TMEM74B: variants seen among roughly 807,000 people sequenced by gnomAD.
TMEM74B encodes transmembrane protein C20orf46.
Under a neutral mutation model 6.5 loss-of-function variants are expected in TMEM74B, and 7 were observed. That is an observed-to-expected ratio of 1.07 (90% CI 0.61 to 2.01). TMEM74B has a LOEUF of 2.01. TMEM74B is among the 30% of genes most tolerant of loss of function. The pLI, the probability that TMEM74B is intolerant of heterozygous loss-of-function variation, is 0.00. For synonymous variants in TMEM74B, 151 were observed against 151.6 expected, an observed-to-expected ratio of 1.00 and a Z score of 0.03; for missense variants, 342 against 337.0, an observed-to-expected ratio of 1.01 and a Z score of -0.12.
chr20:1,181,202 T>G lies in TMEM74B; in HGVS notation c.417A>C (p.Thr139=). ...FLVSGILLVV[T]AYAIPREARV... ...GAGCCTCACGGGGGATGGCGTATGC[T>G]GTCACCACCAGAAGAATCCCACTCA... Residue 139 remains threonine, a synonymous_variant, in exon 3 of 3, where the codon ACA becomes ACC. Transcript: ENST00000429036. The surrounding 1 kb of genome is among the most constrained non-coding windows in gnomAD (Gnocchi z 4.9). The G allele has an allele frequency of 6.2e-7, 1 of 1,614,122 alleles. No individual in the cohort carries two copies. Among genetic ancestry groups the G allele is most frequent in the Non-Finnish European group, 8.5e-7 (1 of 1,180,006 alleles).
At chr20:1,183,025 C>G (rs1461741165) in intron 2 of TMEM74B, among the ~76,000 whole-genome samples, 2 of 152,196 alleles carry the variant, frequency 1.3e-5, no homozygotes, top group Non-Finnish European at 2.9e-5. Flanking sequence ...AGCCTCTCCC[C>G]GACAGGTCCC....
At chr20:1,182,001 T>C (rs2086883968) in intron 2 of TMEM74B, among the ~76,000 whole-genome samples, 1 of 152,232 alleles carries the variant, frequency 6.6e-6, no homozygotes, top group African/African-American at 2.4e-5. Flanking sequence ...AAATCCCAGC[T>C]TCACCACTTG....
intron 2 of TMEM74B, among the ~76,000 whole-genome samples, chr20:1,183,316 TTGTG>T (rs755754000): frequency 2.2e-4 from 21 of 95,630 alleles, no homozygotes; most frequent in South Asian, 2.0e-3. Flanking sequence ...GTGTGTGTGT[TTGTG>T]TGTGTGTGTG....
upstream of TMEM74B, among the ~76,000 whole-genome samples, chr20:1,187,433 T>C (rs1484256955): frequency 6.6e-6 from 1 of 152,124 alleles, no homozygotes; most frequent in Non-Finnish European, 1.5e-5. Context: ...AAATATTATA[T>C]ACTAGTTAGC....
At chr20:1,186,926 C>A (rs147366845), upstream of TMEM74B, among the ~76,000 whole-genome samples, 1 of 152,318 alleles carries the variant, frequency 6.6e-6, no homozygotes, top group Non-Finnish European at 1.5e-5. Context: ...TAAAGGACTG[C>A]CCTCCTGGAG....
At chr20:1,187,220 C>T (rs999726819), upstream of TMEM74B, among the ~76,000 whole-genome samples, 1 of 152,202 alleles carries the variant, frequency 6.6e-6, no homozygotes, top group Non-Finnish European at 1.5e-5. Context: ...TTTACTCCCT[C>T]ACTCTGAATT....
chr20:1,181,375 C>G lies in TMEM74B; in HGVS notation c.244G>C (p.Gly82Arg). The change falls in exon 3 of 3, where the codon GGC becomes CGC. Residue 82 changes from glycine to arginine, a missense_variant. Coordinates refer to ENST00000429036, the MANE Select transcript of TMEM74B (RefSeq NM_001304748.2). This position sits in a 1 kb window ranked among gnomAD's most constrained non-coding sequence, Gnocchi z 4.9. ...HFQNPGNTRLGSSPSPPGGVS... is the reference protein window; with the variant it reads ...HFQNPGNTRLRSSPSPPGGVS... Reference sequence around the variant, plus strand: ...CCCCCAGGGGGACTGGGTGAGCTGCCCAGTCTCGTGTTCCCAGGGTTCTGG... The same window carrying G: ...CCCCCAGGGGGACTGGGTGAGCTGCGCAGTCTCGTGTTCCCAGGGTTCTGG... The G allele has an allele frequency of 6.5e-7, 1 of 1,546,002 alleles. No homozygotes were observed. Among genetic ancestry groups the G allele is most frequent in the Non-Finnish European group, 8.7e-7 (1 of 1,144,254 alleles).
At chr20:1,183,646 A>G (rs939215037) in intron 2 of TMEM74B, 125 bp downstream of exon 2, 4 of 1,175,754 alleles carry the variant, frequency 3.4e-6, no homozygotes, top group Non-Finnish European at 4.9e-6. Flanking sequence ...CACCCTCACC[A>G]GCCCCACGAT....
chr20:1,180,755 AC>A lies in TMEM74B; in HGVS notation c.*92del. 1 of 1,493,326 alleles carries A rather than the reference AC, an allele frequency of 6.7e-7. No homozygotes were observed. Among genetic ancestry groups the A allele is most frequent in the Non-Finnish European group, 8.9e-7 (1 of 1,120,520 alleles). The allele number at this position is 1,493,326 out of a possible 1,614,324, so 92.5% of individuals were successfully genotyped here. A position where few individuals can be genotyped will look rare whatever the true frequency, so the allele number is the denominator to read the frequency against. On this transcript the variant is annotated 3_prime_UTR_variant, in exon 3 of 3. Coordinates refer to ENST00000429036, the MANE Select transcript of TMEM74B (RefSeq NM_001304748.2). The surrounding 1 kb of genome is among the most constrained non-coding windows in gnomAD (Gnocchi z 6.1). ...AGGCCCTATGTGAGCTCAGTTTAAA[AC>A]CCCAGGGCCTTGGCAGGGGTCAGGT...
intron 2 of TMEM74B, among the ~76,000 whole-genome samples, chr20:1,183,343 A>G (rs1468854148): frequency 1.4e-5 from 2 of 147,436 alleles, no homozygotes; most frequent in African/African-American, 5.1e-5. Context: ...TGTAAATATG[A>G]GCAAATGAAG....
In TMEM74B at chr20:1,180,669, C is replaced by A; in HGVS notation, c.*179G>T. The A allele has an allele frequency of 1.3e-6, 1 of 748,606 alleles. No homozygotes were observed. The highest frequency in any genetic ancestry group is 1.9e-6 in the Non-Finnish European group (1 of 517,280). 46.4% of individuals were successfully genotyped at this position (748,606 alleles called of 1,614,324 possible). A position where few individuals can be genotyped will look rare whatever the true frequency, so the allele number is the denominator to read the frequency against. On this transcript the variant is annotated 3_prime_UTR_variant, in exon 3 of 3. Coordinates refer to ENST00000429036, the MANE Select transcript of TMEM74B (RefSeq NM_001304748.2). This position sits in a 1 kb window ranked among gnomAD's most constrained non-coding sequence, Gnocchi z 6.1. The stretch of plus-strand genomic sequence containing the variant: ...ACAAAACAGATCAGTGGGCTGCTTG[C>A]CCGTGTGGGGCATGGGCTGGGCCCC...
In TMEM74B at chr20:1,181,482, G is replaced by C. The variant is rs752629563; in HGVS notation, c.137C>G (p.Ser46Ter). 1.3e-6 allele frequency: 2 copies of C among 1,512,418 alleles called. No homozygotes were observed. Among genetic ancestry groups the C allele is most frequent in the African/African-American group, 2.8e-5 (2 of 71,468 alleles). The allele number at this position is 1,512,418 out of a possible 1,614,324, so 93.7% of individuals were successfully genotyped here. A position where few individuals can be genotyped will look rare whatever the true frequency, so the allele number is the denominator to read the frequency against. The change falls in exon 3 of 3, where the codon TCA becomes TGA. Residue 46 changes from serine (S) to a stop codon, truncating the protein, a stop_gained. Transcript: ENST00000429036. LOFTEE classifies it high-confidence loss of function. This position sits in a 1 kb window ranked among gnomAD's most constrained non-coding sequence, Gnocchi z 4.9. The stretch of plus-strand genomic sequence containing the variant: ...TGGGGCCACTGGGCCCAGGGGAGCT[G>C]ATCTCCTTGGGGCTTGGGGACCATT... ...LSNGPQAPRR[S>*]APLGPVAPTR...
chr20:1,183,689 G>A, intron 2 of TMEM74B, 82 bp downstream of exon 2: 2 of 1,534,304 alleles, frequency 1.3e-6, no homozygotes, highest in Non-Finnish European at 1.8e-6. Flanking sequence ...ATAAAACATG[G>A]CCAAGATCCC....
chr20:1,180,900 T>A lies in TMEM74B; in HGVS notation c.719A>T (p.Glu240Val). 6.2e-7 allele frequency: 1 copy of A among 1,611,428 alleles called. No individual in the cohort carries two copies. Among genetic ancestry groups the A allele is most frequent in the Non-Finnish European group, 8.5e-7 (1 of 1,178,286 alleles). ...LNGDGGQALVENEVVQVSETS... is the reference protein window; with the variant it reads ...LNGDGGQALVVNEVVQVSETS... Reference sequence around the variant, plus strand: ...CTCTGAGACCTGGACAACTTCATTCTCCACCAGGGCCTGGCCCCCATCCCC... The same window carrying A: ...CTCTGAGACCTGGACAACTTCATTCACCACCAGGGCCTGGCCCCCATCCCC... The change falls in exon 3 of 3, where the codon GAG (glutamate) becomes GTG (valine). Residue 240 changes from glutamate to valine, a missense_variant. Coordinates refer to ENST00000429036, the MANE Select transcript of TMEM74B (RefSeq NM_001304748.2). This position sits in a 1 kb window ranked among gnomAD's most constrained non-coding sequence, Gnocchi z 6.1.
chr20:1,186,619 GTGCCA>G (rs1568499626), upstream of TMEM74B: 1 of 152,064 alleles, frequency 6.6e-6, no homozygotes, highest in African/African-American at 2.4e-5. Context: ...GCGAATGAGT[GTGCCA>G]TGTCCTGCTC....
intron 2 of TMEM74B, 130 bp downstream of exon 2, chr20:1,183,641 T>C: frequency 1.8e-6 from 2 of 1,120,522 alleles, no homozygotes; most frequent in Non-Finnish European, 2.6e-6. Flanking sequence ...CATATCACCC[T>C]CACCAGCCCC....
Position 1,181,492 on chromosome 20 carries a change from G to A in TMEM74B, c.127C>T (p.Pro43Ser), listed in dbSNP as rs199514634. 2.1e-5 allele frequency: 32 copies of A among 1,509,592 alleles called. No individual in the cohort carries two copies. The African/African-American group carries it at 4.3e-4, about 20-fold the overall frequency. 93.5% of individuals were successfully genotyped at this position (1,509,592 alleles called of 1,614,324 possible). A position where few individuals can be genotyped will look rare whatever the true frequency, so the allele number is the denominator to read the frequency against. Residue 43 changes from proline to serine, a missense_variant, in exon 3 of 3, where the codon CCA becomes TCA. By Grantham distance (74) the Pro-to-Ser change is moderately conservative (BLOSUM62 -1). Coordinates refer to ENST00000429036, the MANE Select transcript of TMEM74B (RefSeq NM_001304748.2). The surrounding 1 kb of genome is among the most constrained non-coding windows in gnomAD (Gnocchi z 4.9). Reference protein sequence around the residue: ...LKTLSNGPQAPRRSAPLGPVA... With the variant: ...LKTLSNGPQASRRSAPLGPVA... ...GGGCCCAGGGGAGCTGATCTCCTTGGGGCTTGGGGACCATTGCTCAGTGTC... is the reference window on the plus strand; with the variant it reads ...GGGCCCAGGGGAGCTGATCTCCTTGAGGCTTGGGGACCATTGCTCAGTGTC...
chr20:1,181,920 C>G lies in TMEM74B; in HGVS notation c.32-333G>C, dbSNP rs1257935830. On this transcript the variant is annotated intron_variant, in intron 2 of 2. Coordinates refer to ENST00000429036, the MANE Select transcript of TMEM74B (RefSeq NM_001304748.2). The surrounding 1 kb of genome is among the most constrained non-coding windows in gnomAD (Gnocchi z 4.9). ...TAACCTATACGAAGTACTCAGAACA[C>G]TAAGTGCTCAAAGTTAGCGATGAGT... 6.6e-6 allele frequency among the ~76,000 whole-genome samples: 1 copy of G among 152,184 alleles called. No homozygotes were observed. Among genetic ancestry groups the G allele is most frequent in the African/African-American group, 2.4e-5 (1 of 41,430 alleles).
rs762070592 is a variant in TMEM74B at position 1,181,465 on chromosome 20, C to G, written c.154G>C (p.Val52Leu). Residue 52 changes from valine (V) to leucine (L), a missense_variant, in exon 3 of 3, where the codon GTG becomes CTG. Coordinates refer to ENST00000429036, the MANE Select transcript of TMEM74B (RefSeq NM_001304748.2). This position sits in a 1 kb window ranked among gnomAD's most constrained non-coding sequence, Gnocchi z 4.9. ...APRRSAPLGPVAPTREGVENA... is the reference protein window; with the variant it reads ...APRRSAPLGPLAPTREGVENA... ...TCCACACCCTCCCTGGTTGGGGCCA[C>G]TGGGCCCAGGGGAGCTGATCTCCTT... The G allele has an allele frequency of 6.6e-7, 1 of 1,514,356 alleles. No individual in the cohort carries two copies. The highest frequency in any genetic ancestry group is 8.8e-7 in the Non-Finnish European group (1 of 1,132,252). 93.8% of individuals were successfully genotyped at this position (1,514,356 alleles called of 1,614,324 possible).
Sources: gnomAD v4.1 joint callset for allele counts (sites outside exome capture counted in the v4.1 genomes callset) on GRCh38, gnomAD v4.1.1 for gene constraint, Gnocchi (gnomAD v3.1) non-coding constraint, MANE v1.5 for transcripts, NCBI Gene and HGNC (gene_info 2026-07-23, HGNC 2026-07-21) for gene names.